UBA2: variants seen among roughly 807,000 people sequenced by gnomAD.
UBA2 encodes SUMO-activating enzyme subunit 2.
UBA2 carries 11 observed loss-of-function variants against 77.2 expected under a neutral mutation model. That is an observed-to-expected ratio of 0.14 (90% CI 0.09 to 0.24). The LOEUF (loss-of-function observed/expected upper bound fraction) is 0.24, where lower values mean the gene tolerates loss of function less well. UBA2 is among the 10% of genes least tolerant of loss of function. UBA2 has a pLI of 1.00. For synonymous variants in UBA2, 278 were observed against 276.7 expected (o/e 1.00, Z -0.05); for missense variants, 487 against 781.7 (o/e 0.62, Z 4.50).
At chr19:34,435,602 G>A (rs2075299892) in intron 5 of UBA2, among the ~76,000 whole-genome samples, 1 of 151,592 alleles carries the variant, frequency 6.6e-6, no homozygotes, top group Non-Finnish European at 1.5e-5. Flanking sequence ...GGCTGAGGTA[G>A]GCAGATGACT....
rs199581746 is a variant in UBA2 at position 34,458,829 on chromosome 19, C to G, written c.1306C>G (p.Pro436Ala). ...KKLLVPCALD[P>A]PNPNCYVCAS... ...GCTTCTTGTGCCTTGTGCACTGGAT[C>G]CTCCCAACCCCAATTGTTATGTATG... Residue 436 changes from proline (P) to alanine (A), a missense_variant, in exon 13 of 17, where the codon CCT becomes GCT. Coordinates refer to ENST00000246548, the MANE Select transcript of UBA2 (RefSeq NM_005499.3). The G allele has an allele frequency of 1.9e-6, 3 of 1,614,092 alleles. No individual in the cohort carries two copies. The highest frequency in any genetic ancestry group is 2.5e-6 in the Non-Finnish European group (3 of 1,180,000).
At chr19:34,457,299 G>A (rs1407103722) in intron 12 of UBA2, among the ~76,000 whole-genome samples, 3 of 148,636 alleles carry the variant, frequency 2.0e-5, no homozygotes, top group Non-Finnish European at 3.0e-5. Context: ...CCTGGGAGGC[G>A]GAAGTTGCAT....
At chr19:34,443,441 CT>C (rs35696396) in intron 6 of UBA2, among the ~76,000 whole-genome samples, 11,627 of 132,066 alleles carry the variant, frequency 0.088, 676 homozygotes, top group African/African-American at 0.21. Context: ...CCGTTATTCA[CT>C]TTTTTTTTTT....
chr19:34,455,658 T>C (rs187340856), intron 12 of UBA2, among the ~76,000 whole-genome samples: 4 of 152,336 alleles, frequency 2.6e-5, no homozygotes, highest in Admixed American at 2.6e-4. Context: ...TTTTTTTATC[T>C]TTTGAGACGG....
chr19:34,437,213 T>C lies in UBA2; in HGVS notation c.460-1432T>C, dbSNP rs570455696. The stretch of plus-strand genomic sequence containing the variant: ...CTGACCTCAGGTGATCCGCCTGCCT[T>C]GGCCTCCCAAAGTGCTGGGATTACA... On this transcript the variant is annotated intron_variant, in intron 5 of 16. Transcript: ENST00000246548. 1.8e-4 allele frequency among the ~76,000 whole-genome samples: 27 copies of C among 150,560 alleles called. No homozygotes were observed. In the East Asian group the frequency reaches 4.9e-3, roughly 27 times the overall value.
intron 5 of UBA2, among the ~76,000 whole-genome samples, chr19:34,438,286 T>G (rs2075332331): frequency 6.6e-6 from 1 of 152,120 alleles, no homozygotes; most frequent in Non-Finnish European, 1.5e-5. Flanking sequence ...ATTTACAACT[T>G]TGAGAAATAA....
intron 16 of UBA2, among the ~76,000 whole-genome samples, chr19:34,468,444 G>A (rs926597812): frequency 2.0e-5 from 3 of 152,128 alleles, no homozygotes; most frequent in Non-Finnish European, 2.9e-5. Context: ...GGTTTCCAAG[G>A]TTACAGCCAT....
At position 34,471,018 on chromosome 19, in the gene UBA2, A is replaced by T. The variant is rs2145579209; in HGVS notation, c.*1797A>T. On this transcript the variant is annotated 3_prime_UTR_variant, in exon 17 of 17. Coordinates refer to ENST00000246548, the MANE Select transcript of UBA2 (RefSeq NM_005499.3). ...ATTTTGAATGTACCATCCCCAGCCCAACTCCAGCCTACAGATAGTGCCAGA... is the reference window on the plus strand; with the variant it reads ...ATTTTGAATGTACCATCCCCAGCCCTACTCCAGCCTACAGATAGTGCCAGA... The T allele has an allele frequency of 6.6e-6, 1 of 152,266 alleles. No homozygotes were observed. The highest frequency in any genetic ancestry group is 2.1e-4 in the South Asian group (1 of 4,822). 9.4% of individuals were successfully genotyped at this position (152,266 alleles called of 1,614,324 possible). A position where few individuals can be genotyped will look rare whatever the true frequency, so the allele number is the denominator to read the frequency against.
intron 5 of UBA2, among the ~76,000 whole-genome samples, chr19:34,435,558 A>G (rs1599890671): frequency 6.6e-6 from 1 of 151,908 alleles, no homozygotes; most frequent in African/African-American, 2.4e-5. Flanking sequence ...GGCTGCGTGC[A>G]GTGGCTCATG....
At chr19:34,460,639 T>G in intron 14 of UBA2, 73 bp downstream of exon 14, 1 of 1,085,384 alleles carries the variant, frequency 9.2e-7, no homozygotes, top group Non-Finnish European at 1.3e-6. Flanking sequence ...GTTGATTCAT[T>G]TACTGTATGT....
chr19:34,447,273 A>G (rs1022399876), intron 8 of UBA2, among the ~76,000 whole-genome samples: 2 of 152,142 alleles, frequency 1.3e-5, no homozygotes, highest in South Asian at 2.1e-4. Flanking sequence ...GTGCCCACCC[A>G]GATTAAGAGA....
intron 8 of UBA2, among the ~76,000 whole-genome samples, chr19:34,448,064 A>G (rs1174936189): frequency 6.6e-6 from 1 of 152,218 alleles, no homozygotes; most frequent in Non-Finnish European, 1.5e-5. Context: ...AGGATGTTAT[A>G]GCAAGACAGT....
intron 8 of UBA2, among the ~76,000 whole-genome samples, chr19:34,448,749 G>T (rs781220012): frequency 6.6e-6 from 1 of 152,160 alleles, no homozygotes; most frequent in Non-Finnish European, 1.5e-5. Context: ...TTCAACTAGG[G>T]ATATGGTTGG....
intron 6 of UBA2, among the ~76,000 whole-genome samples, chr19:34,441,588 A>C (rs1224275193): frequency 6.6e-6 from 1 of 152,242 alleles, no homozygotes; most frequent in Non-Finnish European, 1.5e-5. Context: ...TTTTGCACTC[A>C]GAAAAGTATA....
intron 12 of UBA2, among the ~76,000 whole-genome samples, chr19:34,458,191 G>T (rs900136980): frequency 6.6e-6 from 1 of 152,142 alleles, no homozygotes; most frequent in African/African-American, 2.4e-5. Flanking sequence ...GCAGAAGAAC[G>T]CGGAGTCTTA....
chr19:34,432,223 A>AT (rs2145489064), intron 3 of UBA2, among the ~76,000 whole-genome samples: 1 of 152,296 alleles, frequency 6.6e-6, no homozygotes, highest in East Asian at 1.9e-4. Context: ...AAATATCCTT[A>AT]TTTATGATGA....
chr19:34,429,828 C>A (rs1395536889), intron 1 of UBA2, among the ~76,000 whole-genome samples: 1 of 151,878 alleles, frequency 6.6e-6, no homozygotes, highest in Non-Finnish European at 1.5e-5. Flanking sequence ...AGAGGGAGAC[C>A]CTGTCTCAAA....
At chr19:34,430,514 T>C in intron 1 of UBA2, 62 bp from the exon 2 acceptor site, 3 of 1,265,504 alleles carry the variant, frequency 2.4e-6, no homozygotes, top group South Asian at 1.3e-5. Flanking sequence ...GTGCTGAGAG[T>C]AGTGATACAG....
intron 10 of UBA2, 51 bp from the exon 11 acceptor site, chr19:34,454,209 A>G (rs1599921194): frequency 6.9e-7 from 1 of 1,458,358 alleles, no homozygotes; most frequent in Non-Finnish European, 9.5e-7. Context: ...GTAATGCTTC[A>G]AAATAGTCAA....
Sources: gnomAD v4.1 joint callset for allele counts (sites outside exome capture counted in the v4.1 genomes callset) on GRCh38, gnomAD v4.1.1 for gene constraint, MANE v1.5 for transcripts, NCBI Gene and HGNC (gene_info 2026-07-23, HGNC 2026-07-21) for gene names.